The following RARRES1 variants were observed in gnomAD, a reference collection of about 807,000 sequenced individuals.
RARRES1 encodes the protein retinoic acid receptor responder 1, also known as retinoic acid receptor responder protein 1.
A neutral mutation model predicts 30.6 loss-of-function variants in RARRES1; 34 were observed. The observed-to-expected ratio is 1.11, with a 90% CI of 0.84 to 1.48. The LOEUF is 1.48. RARRES1 is among the 40% of genes most tolerant of loss of function. The pLI, the probability that RARRES1 is intolerant of heterozygous loss-of-function variation, is 0.00. For missense variants in RARRES1, 373 were observed against 386.5 expected (o/e 0.97, Z 0.29); for synonymous variants, 153 against 155.5 (o/e 0.98, Z 0.12).
Position 158,697,961 on chromosome 3 carries a change from C to A in RARRES1, c.682G>T (p.Asp228Tyr). The change falls in exon 5 of 6, where the codon GAT becomes TAT. Residue 228 changes from aspartate (D) to tyrosine (Y), a missense_variant. Coordinates refer to ENST00000237696, the MANE Select transcript of RARRES1 (RefSeq NM_206963.2). ...GTATAATCAAAATCAATTGTATCATCATTAGTTTTCTAGAGGGAGAAAAAA... is the reference window on the plus strand; with the variant it reads ...GTATAATCAAAATCAATTGTATCATAATTAGTTTTCTAGAGGGAGAAAAAA... ...LTSVRQWKTN[D>Y]DTIDFDYTVL... 2 of 1,522,986 alleles carry A rather than the reference C, an allele frequency of 1.3e-6. No homozygotes were observed. Among genetic ancestry groups the A allele is most frequent in the Non-Finnish European group, 1.8e-6 (2 of 1,101,336 alleles). 94.3% of individuals were successfully genotyped at this position (1,522,986 alleles called of 1,614,324 possible). A position where few individuals can be genotyped will look rare whatever the true frequency, so the allele number is the denominator to read the frequency against.
rs1576828852 is a variant in RARRES1, at chr3:158,732,137, CA to C, written c.276+2del. 60 of 1,365,416 alleles carry C rather than the reference CA, an allele frequency of 4.4e-5. No individual in the cohort carries two copies. The East Asian group carries it at 1.8e-3, about 41-fold the overall frequency. 84.6% of individuals were successfully genotyped at this position (1,365,416 alleles called of 1,614,324 possible). A position where few individuals can be genotyped will look rare whatever the true frequency, so the allele number is the denominator to read the frequency against. Reference sequence around the variant, plus strand: ...GTGCCCCGGCGCGTCGCTCCGCACTCACCCACGCGCGGCCCTCCTGCACCTC... The same window carrying C: ...GTGCCCCGGCGCGTCGCTCCGCACTCCCCACGCGCGGCCCTCCTGCACCTC... On this transcript the variant is annotated splice_donor_variant, in intron 1 of 5. Coordinates refer to ENST00000237696, the MANE Select transcript of RARRES1 (RefSeq NM_206963.2). LOFTEE classifies it high-confidence loss of function.
intron 1 of RARRES1, among the ~76,000 whole-genome samples, chr3:158,718,589 T>C (rs1357503073): frequency 1.3e-5 from 2 of 152,206 alleles, no homozygotes; most frequent in Non-Finnish European, 2.9e-5. Flanking sequence ...ATCTGGCGTA[T>C]GTGGTCAAAT....
At chr3:158,724,148 G>T (rs542824595) in intron 1 of RARRES1, among the ~76,000 whole-genome samples, 1 of 152,236 alleles carries the variant, frequency 6.6e-6, no homozygotes, top group South Asian at 2.1e-4. Context: ...GGCTGCAGAG[G>T]TCAGCAAGAC....
intron 3 of RARRES1, 93 bp downstream of exon 3, chr3:158,710,645 A>G: frequency 8.1e-7 from 1 of 1,233,002 alleles, no homozygotes; most frequent in Non-Finnish European, 1.1e-6. Flanking sequence ...TGAAAGTGCC[A>G]CTTTAGGGAT....
chr3:158,713,607 G>C (rs1223064212), intron 2 of RARRES1, among the ~76,000 whole-genome samples, 190 bp downstream of exon 2: 1 of 152,224 alleles, frequency 6.6e-6, no homozygotes, highest in African/African-American at 2.4e-5. Context: ...TTAAGACCAT[G>C]AAGTTGAAGT....
chr3:158,724,281 C>A lies in RARRES1; in HGVS notation c.276+7859G>T, dbSNP rs564868938. On this transcript the variant is annotated intron_variant, in intron 1 of 5. Coordinates refer to ENST00000237696, the MANE Select transcript of RARRES1 (RefSeq NM_206963.2). ...TGTGGTAGGCTGAATAATGCCCCCC[C>A]ACAGCCCTTGCCCGAAGATGTCCAC... is the stretch of plus-strand genomic sequence containing the variant. Among the ~76,000 whole-genome samples the A allele has an allele frequency of 1.5e-4, 23 of 152,336 alleles. 1 individual carries two copies. The highest frequency in any genetic ancestry group is 1.9e-4 in the East Asian group (1 of 5,178).
Position 158,713,744 on chromosome 3 carries a change from G to A in RARRES1, c.339+53C>T, listed in dbSNP as rs184390017. On this transcript the variant is annotated intron_variant, in intron 2 of 5. Transcript: ENST00000237696. ...ATTAAGATTCTCACTTTTTTACAAA[G>A]CCATATTTATAGCAGTTGCTAATAG... 1.3e-3 allele frequency: 1,976 copies of A among 1,502,164 alleles called. 2 individuals carry two copies. The highest frequency in any genetic ancestry group is 1.9e-3 in the Admixed American group (99 of 53,048). 93.1% of individuals were successfully genotyped at this position (1,502,164 alleles called of 1,614,324 possible).
At position 158,713,859 on chromosome 3, in the gene RARRES1, T is replaced by C. The variant is rs201288879; in HGVS notation, c.277A>G (p.Ile93Val). The C allele has an allele frequency of 4.5e-5, 73 of 1,613,066 alleles. No homozygotes were observed. The highest frequency in any genetic ancestry group is 1.6e-4 in the Middle Eastern group (1 of 6,084). Residue 93 changes from isoleucine to valine, a missense_variant and splice_region_variant, in exon 2 of 6, where the codon ATT becomes GTT. Physicochemically the swap from Ile to Val is conservative, Grantham distance 29 (BLOSUM62 3). Transcript: ENST00000237696. ...ACTTTACATCCCTCTTTTGGATTAA[T>C]CTGGAACACAGAAACTGAATCTTAG... ...LAEVQEGRAW[I>V]NPKEGCKVHV...
chr3:158,713,742 A>G, intron 2 of RARRES1, 55 bp downstream of exon 2: 1 of 1,494,858 alleles, frequency 6.7e-7, no homozygotes, highest in Non-Finnish European at 9.2e-7. Context: ...CTTTTTTACA[A>G]AGCCATATTT....
chr3:158,722,315 G>A (rs1727542877), intron 1 of RARRES1, among the ~76,000 whole-genome samples: 1 of 152,026 alleles, frequency 6.6e-6, no homozygotes, highest in African/African-American at 2.4e-5. Flanking sequence ...AAACCACAAA[G>A]CTTTGTTTTC....
intron 1 of RARRES1, among the ~76,000 whole-genome samples, chr3:158,717,844 C>T (rs2108145771): frequency 6.6e-6 from 1 of 152,218 alleles, no homozygotes; most frequent in South Asian, 2.1e-4. Flanking sequence ...CCCAGCCAGG[C>T]TGCGGCAGGC....
intron 1 of RARRES1, among the ~76,000 whole-genome samples, chr3:158,728,536 G>GTTTTTTTTTTTTTTTTT (rs1553746148): frequency 7.1e-6 from 1 of 141,718 alleles, no homozygotes; most frequent in African/African-American, 2.7e-5. Context: ...TTTTTTTTTG[G>GTTTTTTTTTTTTTTTTT]TTTTTGAGAC....
chr3:158,726,426 A>T (rs4680460), intron 1 of RARRES1, among the ~76,000 whole-genome samples: 1 of 152,084 alleles, frequency 6.6e-6, no homozygotes. Flanking sequence ...CCCACGGTGG[A>T]CTGAACCCCC....
rs1474584188 is a variant in RARRES1 at position 158,732,452 on chromosome 3, G to C, written c.-37C>G. The C allele has an allele frequency of 2.0e-6, 3 of 1,516,808 alleles. No individual in the cohort carries two copies. Among genetic ancestry groups the C allele is most frequent in the Non-Finnish European group, 2.6e-6 (3 of 1,137,360 alleles). 94.0% of individuals were successfully genotyped at this position (1,516,808 alleles called of 1,614,324 possible). ...AGTTGGCTCGGCACCCGACAGACACGGGCTCGGAGCGGGCAGTGCCGGCGC... is the reference window on the plus strand; with the variant it reads ...AGTTGGCTCGGCACCCGACAGACACCGGCTCGGAGCGGGCAGTGCCGGCGC... On this transcript the variant is annotated 5_prime_UTR_variant, in exon 1 of 6. Transcript: ENST00000237696.
In RARRES1 at chr3:158,713,828, A is replaced by AC; in HGVS notation, c.307dup (p.Val103GlyfsTer18). 1 of 1,614,174 alleles carries AC rather than the reference A, an allele frequency of 6.2e-7. No homozygotes were observed. The highest frequency in any genetic ancestry group is 8.5e-7 in the Non-Finnish European group (1 of 1,179,986). Reference sequence around the variant, plus strand: ...GTTGTAGCGCTCTGTGCTGAAGACCACGTGAACTTTACATCCCTCTTTTGG... The same window carrying AC: ...GTTGTAGCGCTCTGTGCTGAAGACCACCGTGAACTTTACATCCCTCTTTTGG... On this transcript the variant is annotated frameshift_variant, in exon 2 of 6. Coordinates refer to ENST00000237696, the MANE Select transcript of RARRES1 (RefSeq NM_206963.2). LOFTEE classifies it high-confidence loss of function.
chr3:158,729,445 CTTTA>C (rs527852367), intron 1 of RARRES1, among the ~76,000 whole-genome samples: 4 of 151,454 alleles, frequency 2.6e-5, no homozygotes, highest in Middle Eastern at 3.5e-3. Context: ...TTTATTATTC[CTTTA>C]TTTATTTATT....
chr3:158,708,639 T>G (rs1216236235), intron 3 of RARRES1, among the ~76,000 whole-genome samples: 1 of 152,070 alleles, frequency 6.6e-6, no homozygotes, highest in Non-Finnish European at 1.5e-5. Flanking sequence ...ATGCCTTGGA[T>G]CCATTAAATA....
intron 3 of RARRES1, among the ~76,000 whole-genome samples, chr3:158,707,066 G>T (rs1200834203): frequency 6.6e-6 from 1 of 152,156 alleles, no homozygotes; most frequent in Non-Finnish European, 1.5e-5. Flanking sequence ...ATACTCTGGA[G>T]GCTGAAGCAG....
intron 1 of RARRES1, among the ~76,000 whole-genome samples, chr3:158,724,164 G>A (rs991465119): frequency 1.3e-5 from 2 of 152,108 alleles, no homozygotes; most frequent in African/African-American, 4.8e-5. Flanking sequence ...AAGACAGGAG[G>A]TGGGAGCAAG....
Sources: gnomAD v4.1 joint callset for allele counts (sites outside exome capture counted in the v4.1 genomes callset) on GRCh38, gnomAD v4.1.1 for gene constraint, MANE v1.5 for transcripts, NCBI Gene and HGNC (gene_info 2026-07-23, HGNC 2026-07-21) for gene names.